Variants in ABHD4 observed in about 807,000 individuals in gnomAD.
ABHD4 encodes the protein (Lyso)-N-acylphosphatidylethanolamine lipase.
ABHD4 carries 35 observed loss-of-function variants against 42.3 expected under a neutral mutation model. The ratio of observed to expected loss-of-function variants is 0.83; its 90% CI spans 0.63 to 1.10. The LOEUF is 1.10. Among genes scored for constraint, ABHD4 ranks in the 50% least tolerant of loss-of-function variants. ABHD4 has a pLI of 0.00. For synonymous variants in ABHD4, 169 were observed against 170.6 expected (o/e 0.99, Z 0.07); for missense variants, 389 against 454.8 (o/e 0.86, Z 1.32).
chr14:22,609,902 C>G lies in ABHD4; in HGVS notation c.931C>G (p.Arg311Gly), dbSNP rs777251524. The G allele has an allele frequency of 6.2e-7, 1 of 1,613,772 alleles. No homozygotes were observed. Among genetic ancestry groups the G allele is most frequent in the East Asian group, 2.2e-5 (1 of 44,866 alleles). Residue 311 changes from arginine to glycine, a missense_variant, in exon 6 of 7, where the codon CGA (arginine) becomes GGA (glycine). Physicochemically the swap from Arg to Gly is moderately radical, Grantham distance 125 (BLOSUM62 -2). Coordinates refer to ENST00000428304, the MANE Select transcript of ABHD4 (RefSeq NM_022060.3). ...GATGCAGCGGCCGGATTCCTATGTC[C>G]GAGACATGGTATGTTGCACCACCCA... The part of the protein sequence containing the change: ...VKMQRPDSYV[R>G]DMEIKGASHH...
chr14:22,609,951 G>A, intron 6 of ABHD4, 41 bp downstream of exon 6: 1 of 1,594,402 alleles, frequency 6.3e-7, no homozygotes, highest in South Asian at 1.1e-5. Flanking sequence ...ATGACTGAGA[G>A]TCAATCACCT....
intron 1 of ABHD4, 62 bp from the exon 2 acceptor site, chr14:22,601,605 G>T (rs2037285911): frequency 1.3e-6 from 2 of 1,491,264 alleles, no homozygotes; most frequent in Non-Finnish European, 1.9e-6. Flanking sequence ...TCTCAGCAAG[G>T]CTAAGAGCAT....
chr14:22,600,555 C>T (rs533045957), intron 1 of ABHD4, among the ~76,000 whole-genome samples: 6 of 152,168 alleles, frequency 3.9e-5, no homozygotes, highest in Non-Finnish European at 5.9e-5. Context: ...TCCCCTCACT[C>T]CCCCTTAGAG....
rs1182757425 is a variant in ABHD4 at position 22,603,418 on chromosome 14, T to C, written c.141T>C (p.Tyr47=). Residue 47 remains tyrosine (Y), a synonymous_variant, in exon 3 of 7, where the codon TAT becomes TAC. Coordinates refer to ENST00000428304, the MANE Select transcript of ABHD4 (RefSeq NM_022060.3). ...TCCAGAATAAGTTCCTGGCCAGATA[T>C]GTATCCCTCCCAAACCAGAATAAGA... ...QCLQNKFLAR[Y]VSLPNQNKIW... The C allele has an allele frequency of 1.9e-6, 3 of 1,614,044 alleles. No individual in the cohort carries two copies. Among genetic ancestry groups the C allele is most frequent in the Admixed American group, 1.7e-5 (1 of 60,016 alleles).
In ABHD4 at chr14:22,608,435, G is replaced by A. The variant is rs184100459; in HGVS notation, c.753-1289G>A. On this transcript the variant is annotated intron_variant, in intron 5 of 6. Coordinates refer to ENST00000428304, the MANE Select transcript of ABHD4 (RefSeq NM_022060.3). Reference sequence around the variant, plus strand: ...ATTCATTCTACCTGAGCAAATGACCGGGGAGTGAAATAGATTACATTGGCA... The same window carrying A: ...ATTCATTCTACCTGAGCAAATGACCAGGGAGTGAAATAGATTACATTGGCA... Among the ~76,000 whole-genome samples the A allele has an allele frequency of 6.4e-3, 967 of 152,264 alleles. 5 individuals are homozygous for A. Among genetic ancestry groups the A allele is most frequent in the Non-Finnish European group, 9.3e-3 (633 of 68,028 alleles).
At chr14:22,604,968 T>A (rs1290481283) in intron 4 of ABHD4, among the ~76,000 whole-genome samples, 1 of 152,156 alleles carries the variant, frequency 6.6e-6, no homozygotes, top group Non-Finnish European at 1.5e-5. Context: ...CTGGATCCCA[T>A]CCCTGTGGTT....
Position 22,603,426 on chromosome 14 carries a change from T to C in ABHD4, c.149T>C (p.Leu50Pro). Residue 50 changes from leucine to proline, a missense_variant, in exon 3 of 7, where the codon CTC (leucine) becomes CCC (proline). Leu to Pro is a moderately conservative substitution (Grantham distance 98). Coordinates refer to ENST00000428304, the MANE Select transcript of ABHD4 (RefSeq NM_022060.3). ...QNKFLARYVS[L>P]PNQNKIWTVT... ...AAGTTCCTGGCCAGATATGTATCCCTCCCAAACCAGAATAAGATCTGGACG... is the reference window on the plus strand; with the variant it reads ...AAGTTCCTGGCCAGATATGTATCCCCCCCAAACCAGAATAAGATCTGGACG... 6.2e-7 allele frequency: 1 copy of C among 1,613,740 alleles called. No homozygotes were observed. The highest frequency in any genetic ancestry group is 8.5e-7 in the Non-Finnish European group (1 of 1,179,894).
chr14:22,604,090 T>C lies in ABHD4; in HGVS notation c.640+11T>C. ...TAGCTGGGCCCTGGGGTGAGTAGCC[T>C]GTAGTATCTCCTTAAAGGAAGGCTA... On this transcript the variant is annotated intron_variant, in intron 4 of 6. Coordinates refer to ENST00000428304, the MANE Select transcript of ABHD4 (RefSeq NM_022060.3). 1 of 1,613,934 alleles carries C rather than the reference T, an allele frequency of 6.2e-7. No homozygotes were observed. The highest frequency in any genetic ancestry group is 1.7e-5 in the Admixed American group (1 of 60,016).
chr14:22,601,635 T>G, intron 1 of ABHD4, 32 bp from the exon 2 acceptor site: 1 of 1,589,658 alleles, frequency 6.3e-7, no homozygotes, highest in Non-Finnish European at 8.6e-7. Context: ...TTTCCAATGT[T>G]GCCAATGAGT....
intron 2 of ABHD4, among the ~76,000 whole-genome samples, chr14:22,602,408 A>G (rs2037296144): frequency 6.6e-6 from 1 of 152,148 alleles, no homozygotes. Flanking sequence ...GGCCCGAGTA[A>G]GTGCAGACAA....
At chr14:22,599,044 C>T (rs893905734) in intron 1 of ABHD4, 2 of 152,354 alleles carry the variant, frequency 1.3e-5, no homozygotes, top group African/African-American at 4.8e-5. Context: ...AAAGTTGCTA[C>T]GAGAAGAATG....
intron 5 of ABHD4, among the ~76,000 whole-genome samples, chr14:22,608,916 T>G (rs888622323): frequency 6.6e-6 from 1 of 151,982 alleles, no homozygotes; most frequent in African/African-American, 2.4e-5. Flanking sequence ...GCCAGGCTGG[T>G]CTCGAACTCC....
At chr14:22,607,215 A>G (rs1319385914) in intron 5 of ABHD4, among the ~76,000 whole-genome samples, 2 of 152,192 alleles carry the variant, frequency 1.3e-5, no homozygotes, top group African/African-American at 2.4e-5. Flanking sequence ...AAAAGTTCCT[A>G]TCTGGGGCTG....
rs2037416817 is a variant in ABHD4 at position 22,611,691 on chromosome 14, T to C, written c.*743T>C. ...TTGCCATGGGGCTGGTCCTAGTCAC[T>C]GGCCGAGGATAAGCCCGTCCCTGTC... is the stretch of plus-strand genomic sequence containing the variant. On this transcript the variant is annotated 3_prime_UTR_variant, in exon 7 of 7. Coordinates refer to ENST00000428304, the MANE Select transcript of ABHD4 (RefSeq NM_022060.3). The C allele has an allele frequency of 6.5e-6, 1 of 152,798 alleles. No homozygotes were observed. The highest frequency in any genetic ancestry group is 6.5e-5 in the Admixed American group (1 of 15,290). 9.5% of individuals were successfully genotyped at this position (152,798 alleles called of 1,614,324 possible).
Position 22,606,286 on chromosome 14 carries a change from A to G in ABHD4, c.641-136A>G, listed in dbSNP as rs1298031421. The G allele has an allele frequency of 1.5e-5, 10 of 650,278 alleles. No homozygotes were observed. In the East Asian group the frequency reaches 2.7e-4, roughly 18 times the overall value. The allele number at this position is 650,278 out of a possible 1,614,324, so 40.3% of individuals were successfully genotyped here. A position where few individuals can be genotyped will look rare whatever the true frequency, so the allele number is the denominator to read the frequency against. On this transcript the variant is annotated intron_variant, in intron 4 of 6. Coordinates refer to ENST00000428304, the MANE Select transcript of ABHD4 (RefSeq NM_022060.3). ...ATTCCTGCACTCTTTCTGCCGCTGTAGTGTTAAATGAATAAAGCAAACAAA... is the reference window on the plus strand; with the variant it reads ...ATTCCTGCACTCTTTCTGCCGCTGTGGTGTTAAATGAATAAAGCAAACAAA...
rs146680838 is a variant in ABHD4, at chr14:22,604,049, T to C, written c.610T>C (p.Leu204=). 2.4e-5 allele frequency: 39 copies of C among 1,614,082 alleles called. No individual in the cohort carries two copies. The Middle Eastern group carries it at 1.5e-3, about 61-fold the overall frequency. ...VASVLGRSNP[L]AVLRVAGPWG... ...ATCTGTCCTAGGACGTTCCAATCCA[T>C]TGGCTGTTCTTCGAGTAGCTGGGCC... is the stretch of plus-strand genomic sequence containing the variant. Residue 204 remains leucine (L), a synonymous_variant, in exon 4 of 7, where the codon TTG becomes CTG. Coordinates refer to ENST00000428304, the MANE Select transcript of ABHD4 (RefSeq NM_022060.3).
At chr14:22,610,748 A>C in intron 6 of ABHD4, 111 bp from the exon 7 acceptor site, 3 of 791,476 alleles carry the variant, frequency 3.8e-6, no homozygotes, top group Non-Finnish European at 4.4e-6. Context: ...ATCTCTGATA[A>C]GAGCTCGTGG....
intron 5 of ABHD4, among the ~76,000 whole-genome samples, chr14:22,608,815 C>G (rs530573195): frequency 6.6e-6 from 1 of 152,356 alleles, no homozygotes; most frequent in South Asian, 2.1e-4. Flanking sequence ...GATTCTCCTG[C>G]CTCAGCCTCC....
At chr14:22,608,604 G>A (rs575636431) in intron 5 of ABHD4, among the ~76,000 whole-genome samples, 71 of 152,312 alleles carry the variant, frequency 4.7e-4, no homozygotes, top group South Asian at 1.9e-3. Flanking sequence ...TTCTGACCAT[G>A]TCTCTAGACC....
Sources: allele counts gnomAD v4.1 joint callset (sites outside exome capture counted in the v4.1 genomes callset), GRCh38; gene constraint gnomAD v4.1.1; transcripts MANE v1.5; gene names NCBI Gene and HGNC (gene_info 2026-07-23, HGNC 2026-07-21).